NRXN3: variants seen among roughly 807,000 people sequenced by gnomAD.
NRXN3 encodes the protein neurexin III.
NRXN3 carries 32 observed loss-of-function variants against 137.6 expected under a neutral mutation model. The observed-to-expected ratio is 0.23, with a 90% CI of 0.18 to 0.31. NRXN3 has a LOEUF of 0.31. NRXN3 is among the 10% of genes least tolerant of loss of function. The pLI, the probability that NRXN3 is intolerant of heterozygous loss-of-function variation, is 1.00. For synonymous variants in NRXN3, 798 were observed against 784.5 expected (o/e 1.02, Z -0.29); for missense variants, 1,574 against 2,062.5 (o/e 0.76, Z 4.59).
At chr14:79,455,158 T>C (rs1432728728) in intron 15 of NRXN3, among the ~76,000 whole-genome samples, 1 of 152,178 alleles carries the variant, frequency 6.6e-6, no homozygotes, top group Non-Finnish European at 1.5e-5. Flanking sequence ...GGCTGAGAAG[T>C]TCAAGATCTA....
intron 20 of NRXN3, among the ~76,000 whole-genome samples, chr14:79,841,058 C>T (rs1051471295): frequency 2.0e-5 from 3 of 152,168 alleles, no homozygotes; most frequent in African/African-American, 7.2e-5. Flanking sequence ...CCAAGTACAT[C>T]TGCAGGGCTC....
chr14:79,503,885 T>G (rs2096848283), intron 16 of NRXN3, among the ~76,000 whole-genome samples: 1 of 152,198 alleles, frequency 6.6e-6, no homozygotes, highest in Non-Finnish European at 1.5e-5. Context: ...AATCTGAAAA[T>G]GCTTTTAAAA....
At chr14:79,838,459 AT>A (rs976639591) in intron 20 of NRXN3, among the ~76,000 whole-genome samples, 4 of 152,046 alleles carry the variant, frequency 2.6e-5, no homozygotes, top group Non-Finnish European at 1.5e-5. Context: ...TGTTTCTCAA[AT>A]TTTTTTTAGA....
Position 78,696,000 on chromosome 14 carries a change from G to A in NRXN3, c.1222-13217G>A, listed in dbSNP as rs545364623. ...TCTAAGGGGGATATGGACCTTGGAG[G>A]AGTCTTCCTCAAGGCTTTGGCAGGT... On this transcript the variant is annotated intron_variant, in intron 6 of 20. Transcript: ENST00000335750. 5.9e-5 allele frequency among the ~76,000 whole-genome samples: 9 copies of A among 152,108 alleles called. 1 individual carries two copies. The South Asian group carries it at 1.9e-3, about 32-fold the overall frequency.
intron 19 of NRXN3, among the ~76,000 whole-genome samples, chr14:79,711,042 G>C (rs2098801983): frequency 6.6e-6 from 1 of 151,990 alleles, no homozygotes; most frequent in Non-Finnish European, 1.5e-5. Flanking sequence ...CCAAGAATAG[G>C]GTCTTTAATT....
intron 14 of NRXN3, among the ~76,000 whole-genome samples, chr14:78,971,756 C>T (rs1160776520): frequency 6.6e-6 from 1 of 152,100 alleles, no homozygotes; most frequent in Non-Finnish European, 1.5e-5. Context: ...CTGCCTCAGC[C>T]TCCCAAGTAG....
intron 10 of NRXN3, among the ~76,000 whole-genome samples, chr14:78,854,178 T>C (rs1477295779): frequency 6.6e-6 from 1 of 152,232 alleles, no homozygotes; most frequent in African/African-American, 2.4e-5. Context: ...TTGGCAGCTG[T>C]CATCAGCCGA....
chr14:79,456,314 G>A (rs912235730), intron 15 of NRXN3, among the ~76,000 whole-genome samples: 1 of 152,158 alleles, frequency 6.6e-6, no homozygotes, highest in Non-Finnish European at 1.5e-5. Context: ...GTGCCCCTAT[G>A]TGTTCCAGGC....
intron 15 of NRXN3, among the ~76,000 whole-genome samples, chr14:79,168,168 T>A (rs2061449024): frequency 6.6e-6 from 1 of 151,956 alleles, no homozygotes; most frequent in Admixed American, 6.6e-5. Context: ...ATGTACTGAG[T>A]CACTCTGCAT....
intron 19 of NRXN3, among the ~76,000 whole-genome samples, chr14:79,784,157 C>A (rs922134898): frequency 6.6e-6 from 1 of 152,134 alleles, no homozygotes; most frequent in African/African-American, 2.4e-5. Flanking sequence ...CCAGCCTTAG[C>A]TCTAATAAAA....
chr14:78,403,344 T>C (rs1321019826), intron 4 of NRXN3, among the ~76,000 whole-genome samples: 1 of 152,192 alleles, frequency 6.6e-6, no homozygotes, highest in Non-Finnish European at 1.5e-5. Context: ...CTGATCAAAG[T>C]AGTTATTTAA....
intron 15 of NRXN3, among the ~76,000 whole-genome samples, chr14:79,214,738 T>G (rs1203641739): frequency 6.6e-6 from 1 of 152,188 alleles, no homozygotes; most frequent in African/African-American, 2.4e-5. Flanking sequence ...TGACTTATAC[T>G]TTTGCTTATC....
chr14:79,837,681 G>C (rs1011323054), intron 20 of NRXN3, among the ~76,000 whole-genome samples: 2 of 152,092 alleles, frequency 1.3e-5, no homozygotes, highest in Admixed American at 1.3e-4. Context: ...TTTTGTACAA[G>C]TGTCAAAGTT....
chr14:79,138,888 C>A (rs548302497), intron 15 of NRXN3, among the ~76,000 whole-genome samples: 1 of 152,262 alleles, frequency 6.6e-6, no homozygotes, highest in East Asian at 1.9e-4. Flanking sequence ...ATGAGCAAAG[C>A]CATTGAGTTG....
At chr14:79,501,076 C>T (rs975446120) in intron 16 of NRXN3, among the ~76,000 whole-genome samples, 2 of 152,232 alleles carry the variant, frequency 1.3e-5, no homozygotes, top group South Asian at 2.1e-4. Flanking sequence ...TCAAAAGTTC[C>T]AACAGGCCTA....
At chr14:79,649,548 A>C (rs1461491961) in intron 16 of NRXN3, among the ~76,000 whole-genome samples, 2 of 152,096 alleles carry the variant, frequency 1.3e-5, no homozygotes, top group East Asian at 3.9e-4. Context: ...AAGCTGTAGC[A>C]TGTTTATGAA....
At chr14:79,347,250 A>C (rs1292589381) in intron 15 of NRXN3, among the ~76,000 whole-genome samples, 4 of 152,076 alleles carry the variant, frequency 2.6e-5, no homozygotes, top group Non-Finnish European at 5.9e-5. Context: ...ATTTGGAGAA[A>C]TTTTTAAAAA....
intron 1 of NRXN3, among the ~76,000 whole-genome samples, chr14:78,218,384 T>G (rs1410612352): frequency 6.6e-6 from 1 of 152,188 alleles, no homozygotes; most frequent in African/African-American, 2.4e-5. Flanking sequence ...AGTCTTTACT[T>G]GATGAAATAA....
chr14:79,028,011 A>T (rs1046948395), intron 15 of NRXN3, among the ~76,000 whole-genome samples: 1 of 152,250 alleles, frequency 6.6e-6, no homozygotes, highest in Non-Finnish European at 1.5e-5. Flanking sequence ...TACAATGGGG[A>T]TGATAATATT....
Sources: allele counts gnomAD v4.1 joint callset (sites outside exome capture counted in the v4.1 genomes callset), GRCh38; gene constraint gnomAD v4.1.1; transcripts MANE v1.5; gene names NCBI Gene and HGNC (gene_info 2026-07-23, HGNC 2026-07-21).